Variants in LIFR observed in about 807,000 individuals in gnomAD.
The protein encoded by LIFR is LIF receptor subunit alpha, also known as leukemia inhibitory factor receptor.
Under a neutral mutation model 122.2 loss-of-function variants are expected in LIFR, and 84 were observed. That is an observed-to-expected ratio of 0.69 (90% CI 0.58 to 0.82). The LOEUF (loss-of-function observed/expected upper bound fraction) is 0.82, where lower values mean the gene tolerates loss of function less well. LIFR is among the 40% of genes least tolerant of loss of function. The probability of loss-of-function intolerance (pLI) is 0.00; values close to 1 mark genes in which losing one functional copy is unlikely to be tolerated. For missense variants in LIFR, 1,294 were observed against 1,311.6 expected, an observed-to-expected ratio of 0.99 and a Z score of 0.21; for synonymous variants, 422 against 434.7, an observed-to-expected ratio of 0.97 and a Z score of 0.36.
In LIFR at chr5:38,527,383, A is replaced by C. The variant is rs911728632; in HGVS notation, c.258-89T>G. On this transcript the variant is annotated intron_variant, in intron 3 of 19. Coordinates refer to ENST00000453190, the MANE Select transcript of LIFR (RefSeq NM_001127671.2). ...TGGTTAACACAAAATACAATGGAAA[A>C]TACTTTATGCCCTCTTTGTTGCAAA... 6.1e-6 allele frequency: 5 copies of C among 814,928 alleles called. No individual in the cohort carries two copies. The African/African-American group carries it at 6.9e-5, about 11-fold the overall frequency. 50.5% of individuals were successfully genotyped at this position (814,928 alleles called of 1,614,324 possible). A position where few individuals can be genotyped will look rare whatever the true frequency, so the allele number is the denominator to read the frequency against.
At chr5:38,560,113 T>C (rs1291214905), upstream of LIFR, among the ~76,000 whole-genome samples, 2 of 151,998 alleles carry the variant, frequency 1.3e-5, no homozygotes, top group African/African-American at 2.4e-5. Flanking sequence ...CTAATATATA[T>C]AGTGTTTATC....
At chr5:38,559,971 A>G (rs1296739298), upstream of LIFR, among the ~76,000 whole-genome samples, 1 of 152,252 alleles carries the variant, frequency 6.6e-6, no homozygotes, top group Non-Finnish European at 1.5e-5. Flanking sequence ...CTGTAATGAA[A>G]GTTCTGGAAA....
intron 1 of LIFR, among the ~76,000 whole-genome samples, chr5:38,606,978 CAA>C (rs948762106): frequency 6.6e-6 from 1 of 151,182 alleles, no homozygotes; most frequent in African/African-American, 2.4e-5. Flanking sequence ...TGTTTTTAAA[CAA>C]AAAAAAATTA....
chr5:38,507,644 C>T (rs1745565995), intron 7 of LIFR, among the ~76,000 whole-genome samples: 1 of 150,892 alleles, frequency 6.6e-6, no homozygotes, highest in South Asian at 2.1e-4. Context: ...TTTCTGTAAT[C>T]ATGTTTAACC....
In LIFR at chr5:38,542,820, G is replaced by A. The variant is rs182074702; in HGVS notation, c.-19-12154C>T. Among the ~76,000 whole-genome samples, 644 of 152,016 alleles carry A rather than the reference G, an allele frequency of 4.2e-3. 8 individuals are homozygous for A. The highest frequency in any genetic ancestry group is 0.015 in the African/African-American group (614 of 41,464). On this transcript the variant is annotated intron_variant, in intron 1 of 19. Coordinates refer to ENST00000453190, the MANE Select transcript of LIFR (RefSeq NM_001127671.2). Reference sequence around the variant, plus strand: ...TTGTCCCTTTAACAAATATCAACTCGTCCTTCAAATTTCAGTGCACACTGT... The same window carrying A: ...TTGTCCCTTTAACAAATATCAACTCATCCTTCAAATTTCAGTGCACACTGT...
chr5:38,568,176 C>T (rs1271088526), intron 1 of LIFR, among the ~76,000 whole-genome samples: 10 of 152,176 alleles, frequency 6.6e-5, no homozygotes, highest in Non-Finnish European at 2.9e-5. Flanking sequence ...CATGCATAAA[C>T]ACATAGGTAA....
At chr5:38,594,351 C>G (rs538144943) in intron 1 of LIFR, among the ~76,000 whole-genome samples, 1 of 152,216 alleles carries the variant, frequency 6.6e-6, no homozygotes, top group East Asian at 1.9e-4. Context: ...TTGTAAGATA[C>G]TATAACGGTG....
intron 1 of LIFR, among the ~76,000 whole-genome samples, chr5:38,575,952 C>A (rs1749369997): frequency 1.3e-5 from 2 of 152,136 alleles, no homozygotes; most frequent in Admixed American, 6.5e-5. Flanking sequence ...AGGATTTATT[C>A]CTGTGTCACT....
At chr5:38,509,022 T>A (rs1162665802) in intron 7 of LIFR, among the ~76,000 whole-genome samples, 1 of 152,194 alleles carries the variant, frequency 6.6e-6, no homozygotes, top group Non-Finnish European at 1.5e-5. Flanking sequence ...TGAAGGGAGA[T>A]GTTACTGCTG....
chr5:38,540,318 T>C (rs1468656909), intron 1 of LIFR, among the ~76,000 whole-genome samples: 1 of 152,206 alleles, frequency 6.6e-6, no homozygotes, highest in African/African-American at 2.4e-5. Flanking sequence ...TACAATGTGA[T>C]TAGAAATTCA....
chr5:38,510,414 A>T (rs1042232220), intron 7 of LIFR, 50 bp downstream of exon 7: 1 of 1,580,304 alleles, frequency 6.3e-7, no homozygotes, highest in African/African-American at 1.3e-5. Context: ...GCTTTCAAGG[A>T]AGACCAAAAC....
chr5:38,482,663 T>A lies in LIFR; in HGVS notation c.2596A>T (p.Lys866Ter). ...ILCYRKREWI[K>*]ETFYPDIPNP... ...GGAATATCAGGGTAGAAGGTTTCTTTAATCCTTTAAATAAAAAATTATTAC... is the reference window on the plus strand; with the variant it reads ...GGAATATCAGGGTAGAAGGTTTCTTAAATCCTTTAAATAAAAAATTATTAC... Residue 866 changes from lysine (K) to a stop codon, truncating the protein, a stop_gained, in exon 19 of 20, where the codon AAA (lysine) becomes TAA (stop). Transcript: ENST00000453190. LOFTEE classifies it high-confidence loss of function. 2 of 1,344,626 alleles carry A rather than the reference T, an allele frequency of 1.5e-6. No homozygotes were observed. The highest frequency in any genetic ancestry group is 2.1e-6 in the Non-Finnish European group (2 of 971,768). The allele number at this position is 1,344,626 out of a possible 1,614,324, so 83.3% of individuals were successfully genotyped here.
At chr5:38,554,125 A>C (rs1264102580) in intron 1 of LIFR, among the ~76,000 whole-genome samples, 1 of 152,222 alleles carries the variant, frequency 6.6e-6, no homozygotes, top group African/African-American at 2.4e-5. Context: ...AAAAATATTT[A>C]AACACTTAAG....
intron 1 of LIFR, among the ~76,000 whole-genome samples, chr5:38,538,224 C>T (rs545941931): frequency 6.6e-6 from 1 of 152,326 alleles, no homozygotes; most frequent in East Asian, 1.9e-4. Context: ...TACTTAGCTT[C>T]CTTGGTGGGA....
chr5:38,506,020 GC>G lies in LIFR; in HGVS notation c.1175del (p.Ser392ThrfsTer19). 1.2e-6 allele frequency: 2 copies of G among 1,607,192 alleles called. No individual in the cohort carries two copies. Among genetic ancestry groups the G allele is most frequent in the Non-Finnish European group, 1.7e-6 (2 of 1,175,470 alleles). Reference protein sequence around the residue: ...LKRAEAPTNESYQLLFQMLPN... With the variant: ...LKRAEAPTNEXYQLLFQMLPN... ...GAAGCATTTGAAATAATAATTGATA[GC>G]TTTCGTTTGTAGGTGCTTCAGCTCT... On this transcript the variant is annotated frameshift_variant, in exon 9 of 20. Transcript: ENST00000453190. LOFTEE classifies it high-confidence loss of function.
chr5:38,601,898 C>T (rs1461277941), intron 2 of LIFR, among the ~76,000 whole-genome samples: 3 of 152,212 alleles, frequency 2.0e-5, no homozygotes, highest in Non-Finnish European at 2.9e-5. Context: ...CCCAAGCTGA[C>T]TCTGTTCTGT....
upstream of LIFR, among the ~76,000 whole-genome samples, chr5:38,597,946 G>A (rs990901632): frequency 1.3e-5 from 2 of 152,058 alleles, no homozygotes; most frequent in Admixed American, 6.6e-5. Context: ...CAGCATTTCT[G>A]GGGTATTCAA....
At chr5:38,599,055 A>T (rs577352692), upstream of LIFR, among the ~76,000 whole-genome samples, 1 of 152,330 alleles carries the variant, frequency 6.6e-6, no homozygotes, top group African/African-American at 2.4e-5. Flanking sequence ...CCTAAACCTT[A>T]TCTAGACCTA....
At chr5:38,547,264 T>C (rs1215639812) in intron 1 of LIFR, among the ~76,000 whole-genome samples, 2 of 152,218 alleles carry the variant, frequency 1.3e-5, no homozygotes, top group African/African-American at 4.8e-5. Context: ...CACCTGCAAG[T>C]CTCACACGTA....
Sources: gnomAD v4.1 joint callset for allele counts (sites outside exome capture counted in the v4.1 genomes callset) on GRCh38, gnomAD v4.1.1 for gene constraint, MANE v1.5 for transcripts, NCBI Gene and HGNC (gene_info 2026-07-23, HGNC 2026-07-21) for gene names.